The following KRT25 variants were observed in gnomAD, a reference collection of about 807,000 sequenced individuals.
KRT25 encodes keratin, type I cytoskeletal 25.
In KRT25, 37 loss-of-function variants were observed where a neutral mutation model predicts 47.6. The ratio of observed to expected loss-of-function variants is 0.78; its 90% CI spans 0.60 to 1.02. The LOEUF (loss-of-function observed/expected upper bound fraction) is 1.02. KRT25 is among the 50% of genes least tolerant of loss of function. KRT25 has a pLI of 0.00. For synonymous variants in KRT25, 203 were observed against 210.2 expected (o/e 0.97, Z 0.30); for missense variants, 542 against 550.3 (o/e 0.98, Z 0.15).
chr17:40,754,718 CAAAAAAA>C, intron 1 of KRT25, 118 bp downstream of exon 1: 3 of 603,922 alleles, frequency 5.0e-6, no homozygotes, highest in South Asian at 2.9e-5. Context: ...AACTCCTTCT[CAAAAAAA>C]AAAAAAAAAA....
In KRT25 at chr17:40,754,799, G is replaced by C. The variant is rs182897798; in HGVS notation, c.429+44C>G. The C allele has an allele frequency of 3.1e-5, 45 of 1,437,822 alleles. No homozygotes were observed. In the East Asian group the frequency reaches 1.0e-3, roughly 33 times the overall value. 89.1% of individuals were successfully genotyped at this position (1,437,822 alleles called of 1,614,324 possible). On this transcript the variant is annotated intron_variant, in intron 1 of 7. Coordinates refer to ENST00000312150, the MANE Select transcript of KRT25 (RefSeq NM_181534.4). ...AATAAAGAAAGGAAAACAAAATTTAGAAATAAAGGTACATGAAAATGATTG... is the reference window on the plus strand; with the variant it reads ...AATAAAGAAAGGAAAACAAAATTTACAAATAAAGGTACATGAAAATGATTG...
At chr17:40,749,413 T>G in intron 6 of KRT25, 88 bp from the exon 7 acceptor site, 30 of 958,652 alleles carry the variant, frequency 3.1e-5, no homozygotes, top group Non-Finnish European at 4.9e-5. Context: ...TCTTTGGTAG[T>G]TTCAACTGTG....
intron 6 of KRT25, among the ~76,000 whole-genome samples, chr17:40,749,640 G>T (rs74838475): frequency 0.011 from 1,714 of 152,230 alleles, 40 homozygotes; most frequent in African/African-American, 0.039. Flanking sequence ...TTTAAGTTTT[G>T]CAGGTTTATG....
chr17:40,752,202 A>G (rs761010741), intron 3 of KRT25, among the ~76,000 whole-genome samples: 3 of 152,210 alleles, frequency 2.0e-5, no homozygotes, highest in Non-Finnish European at 2.9e-5. Context: ...CATAAATGCT[A>G]AATGAATGCT....
chr17:40,751,229 C>A lies in KRT25; in HGVS notation c.767G>T (p.Arg256Leu), dbSNP rs1482732007. 6 of 1,614,010 alleles carry A rather than the reference C, an allele frequency of 3.7e-6. No homozygotes were observed. The highest frequency in any genetic ancestry group is 5.1e-6 in the Non-Finnish European group (6 of 1,179,954). The change falls in exon 4 of 8, where the codon CGA (arginine) becomes CTA (leucine). Residue 256 changes from arginine (R) to leucine (L), a missense_variant. Arg to Leu is a moderately radical substitution (Grantham distance 102, BLOSUM62 -2). Coordinates refer to ENST00000312150, the MANE Select transcript of KRT25 (RefSeq NM_181534.4). ...CTCTGCAAGGGCTTCGTACTCAGCT[C>A]GCATGTTGTTCAGCAGAACTGTGAG... ...VDLTVLLNNM[R>L]AEYEALAEQN...
upstream of KRT25, chr17:40,755,358 T>G: frequency 8.1e-7 from 1 of 1,232,150 alleles, no homozygotes; most frequent in Admixed American, 2.4e-5. Flanking sequence ...TTTGCCTTTT[T>G]ATAGGCAAGT....
chr17:40,754,924 C>T lies in KRT25; in HGVS notation c.348G>A (p.Glu116=), dbSNP rs1395371517. The T allele has an allele frequency of 1.9e-6, 3 of 1,614,074 alleles. No homozygotes were observed. Among genetic ancestry groups the T allele is most frequent in the Admixed American group, 1.7e-5 (1 of 60,004 alleles). The stretch of plus-strand genomic sequence containing the variant: ...CACGGCAAGAGCCAGGCCCAAATTT[C>T]TCATACCAGCCCTTGATCTTCTGCT... ...DLEQKIKGWY[E]KFGPGSCRGL... Residue 116 remains glutamate (E), a synonymous_variant, in exon 1 of 8, where the codon GAG becomes GAA. Transcript: ENST00000312150.
chr17:40,755,181 C>G lies in KRT25; in HGVS notation c.91G>C (p.Gly31Arg). Residue 31 changes from glycine (G) to arginine (R), a missense_variant, in exon 1 of 8, where the codon GGT becomes CGT. Physicochemically the swap from Gly to Arg is moderately radical, Grantham distance 125. Coordinates refer to ENST00000312150, the MANE Select transcript of KRT25 (RefSeq NM_181534.4). ...LRLYGGGTSFGTGNSCGISGI... is the reference protein window; with the variant it reads ...LRLYGGGTSFRTGNSCGISGI... ...GAAATGCCACAAGAATTTCCAGTACCAAAGCTGGTTCCCCCACCATAGAGT... is the reference window on the plus strand; with the variant it reads ...GAAATGCCACAAGAATTTCCAGTACGAAAGCTGGTTCCCCCACCATAGAGT... 1 of 1,614,200 alleles carries G rather than the reference C, an allele frequency of 6.2e-7. No homozygotes were observed. The highest frequency in any genetic ancestry group is 8.5e-7 in the Non-Finnish European group (1 of 1,180,032).
rs1215201768 is a variant in KRT25, at chr17:40,753,866, A to G, written c.663T>C (p.His221=). 2.5e-6 allele frequency: 4 copies of G among 1,613,786 alleles called. No homozygotes were observed. In the East Asian group the frequency reaches 6.7e-5, roughly 27 times the overall value. ...GTAGACGACCAGCTCTTACCTCTTT[A>G]TGGTTCTTTTTGAGGTAAGTCATCT... ...SEEMTYLKKN[H]KEEMQVLQCA... Residue 221 remains histidine (H), a synonymous_variant, in exon 3 of 8, where the codon CAT becomes CAC. Coordinates refer to ENST00000312150, the MANE Select transcript of KRT25 (RefSeq NM_181534.4).
At chr17:40,749,186 G>A in intron 7 of KRT25, 72 bp downstream of exon 7, 1 of 1,143,048 alleles carries the variant, frequency 8.7e-7, no homozygotes, top group Non-Finnish European at 1.3e-6. Context: ...ACCTTCCAAT[G>A]TACCCCCAAA....
At position 40,749,294 on chromosome 17, in the gene KRT25, C is replaced by G; in HGVS notation, c.1207G>C (p.Asp403His). 6.2e-7 allele frequency: 1 copy of G among 1,613,800 alleles called. No homozygotes were observed. The highest frequency in any genetic ancestry group is 1.3e-5 in the African/African-American group (1 of 75,034). ...ACKSGGYKSKDYGSGNVGSQV... is the reference protein window; with the variant it reads ...ACKSGGYKSKHYGSGNVGSQV... ...CTTCCCACATTTCCAGATCCATAAT[C>G]TTTAGACTTGTAACCCCCAGACTTA... The change falls in exon 7 of 8, where the codon GAT becomes CAT. Residue 403 changes from aspartate (D) to histidine (H), a missense_variant. By Grantham distance (81) the Asp-to-His change is moderately conservative. Transcript: ENST00000312150.
intron 3 of KRT25, among the ~76,000 whole-genome samples, chr17:40,752,295 C>T (rs949551289): frequency 6.6e-6 from 1 of 152,134 alleles, no homozygotes; most frequent in African/African-American, 2.4e-5. Flanking sequence ...GAACTGCAAG[C>T]TGTTAGAATG....
chr17:40,751,663 T>C (rs2038049522), intron 3 of KRT25, among the ~76,000 whole-genome samples: 1 of 152,202 alleles, frequency 6.6e-6, no homozygotes, highest in Non-Finnish European at 1.5e-5. Flanking sequence ...CATATGAAAG[T>C]TTTAAACATT....
At chr17:40,750,804 G>T in intron 5 of KRT25, 150 bp downstream of exon 5, 2 of 1,207,560 alleles carry the variant, frequency 1.7e-6, no homozygotes, top group Non-Finnish European at 2.3e-6. Flanking sequence ...TGTAGTTTTA[G>T]GTGTCAGCTA....
chr17:40,753,862 CTT>C lies in KRT25; in HGVS notation c.665_666del (p.Lys222ArgfsTer36). On this transcript the variant is annotated frameshift_variant, in exon 3 of 8. Transcript: ENST00000312150. LOFTEE classifies it high-confidence loss of function. ...AAATGTAGACGACCAGCTCTTACCT[CTT>C]TATGGTTCTTTTTGAGGTAAGTCAT... ...EEMTYLKKNH[K>X]EEMQVLQCAA... is the part of the protein sequence containing the mutation. 1 of 1,613,932 alleles carries C rather than the reference CTT, an allele frequency of 6.2e-7. No homozygotes were observed. Among genetic ancestry groups the C allele is most frequent in the Non-Finnish European group, 8.5e-7 (1 of 1,179,952 alleles).
At position 40,751,237 on chromosome 17, in the gene KRT25, G is replaced by A; in HGVS notation, c.759C>T (p.Asn253=). ...APGVDLTVLL[N]NMRAEYEALA... is the part of the protein sequence containing the mutation. ...GGGCTTCGTACTCAGCTCGCATGTTGTTCAGCAGAACTGTGAGGTCCACCC... is the reference window on the plus strand; with the variant it reads ...GGGCTTCGTACTCAGCTCGCATGTTATTCAGCAGAACTGTGAGGTCCACCC... Residue 253 remains asparagine, a synonymous_variant, in exon 4 of 8, where the codon AAC becomes AAT. Coordinates refer to ENST00000312150, the MANE Select transcript of KRT25 (RefSeq NM_181534.4). The A allele has an allele frequency of 1.2e-6, 2 of 1,614,182 alleles. No individual in the cohort carries two copies. The highest frequency in any genetic ancestry group is 1.1e-5 in the South Asian group (1 of 91,090).
intron 3 of KRT25, among the ~76,000 whole-genome samples, 177 bp downstream of exon 3, chr17:40,753,683 C>CAAAAAAAAAAAAAAA (rs60610884): frequency 3.3e-5 from 1 of 30,466 alleles, no homozygotes; most frequent in African/African-American, 9.0e-5. Flanking sequence ...GACTCCGTCT[C>CAAAAAAAAAAAAAAA]AAAAAAAAAA....
In KRT25 at chr17:40,753,976, C is replaced by T; in HGVS notation, c.553G>A (p.Asp185Asn). The change falls in exon 3 of 8, where the codon GAT (aspartate) becomes AAT (asparagine). Residue 185 changes from aspartate to asparagine, a missense_variant. Coordinates refer to ENST00000312150, the MANE Select transcript of KRT25 (RefSeq NM_181534.4). ...ELALHQSVEA[D>N]VNGLRRVLDE... ...AAAACTCTTCGTAACCCATTGACAT[C>T]AGCCTCTACACTCTGGTGAAGAGCC... The T allele has an allele frequency of 6.2e-7, 1 of 1,614,048 alleles. No homozygotes were observed. Among genetic ancestry groups the T allele is most frequent in the Non-Finnish European group, 8.5e-7 (1 of 1,179,956 alleles).
At chr17:40,752,500 T>C (rs576296003) in intron 3 of KRT25, among the ~76,000 whole-genome samples, 3 of 152,222 alleles carry the variant, frequency 2.0e-5, no homozygotes, top group African/African-American at 7.2e-5. Flanking sequence ...TTCCTCCTGG[T>C]TGAAACTATG....
Sources: gnomAD v4.1 joint callset for allele counts (sites outside exome capture counted in the v4.1 genomes callset) on GRCh38, gnomAD v4.1.1 for gene constraint, MANE v1.5 for transcripts, NCBI Gene and HGNC (gene_info 2026-07-23, HGNC 2026-07-21) for gene names.